Variants in ENPP6 observed in about 807,000 individuals in gnomAD.
ENPP6 encodes the protein glycerophosphocholine cholinephosphodiesterase ENPP6.
In ENPP6, 32 loss-of-function variants were observed where a neutral mutation model predicts 42.0. The observed-to-expected ratio is 0.76, with a 90% CI of 0.58 to 1.02. ENPP6 has a LOEUF of 1.02. Ranked by LOEUF, ENPP6 falls within the 50% of genes least tolerant of loss-of-function variation. The pLI, the probability that ENPP6 is intolerant of heterozygous loss-of-function variation, is 0.00. For synonymous variants in ENPP6, 213 were observed against 216.0 expected (o/e 0.99, Z 0.12); for missense variants, 552 against 566.8 (o/e 0.97, Z 0.27).
chr4:184,124,355 A>C, intron 2 of ENPP6, 83 bp from the exon 3 acceptor site: 1 of 935,780 alleles, frequency 1.1e-6, no homozygotes, highest in Non-Finnish European at 1.7e-6. Context: ...AGCAAACACC[A>C]TTAGTCAAAA....
intron 2 of ENPP6, among the ~76,000 whole-genome samples, chr4:184,144,739 C>T (rs1274524988): frequency 6.6e-5 from 10 of 152,194 alleles, no homozygotes; most frequent in South Asian, 2.1e-4. Context: ...AAACAAGCTC[C>T]GAGCAGGCAG....
chr4:184,216,964 C>T (rs962371827), intron 1 of ENPP6: 1 of 152,050 alleles, frequency 6.6e-6, no homozygotes, highest in Non-Finnish European at 1.5e-5. Flanking sequence ...AAATGGGGAA[C>T]CTGAACGACA....
chr4:184,169,146 C>T (rs1330388792), intron 1 of ENPP6, among the ~76,000 whole-genome samples: 2 of 152,336 alleles, frequency 1.3e-5, no homozygotes, highest in Non-Finnish European at 2.9e-5. Context: ...ATTCCTCCTG[C>T]GCCCTGCATG....
intron 2 of ENPP6, among the ~76,000 whole-genome samples, chr4:184,124,847 T>G (rs1380897511): frequency 6.6e-6 from 1 of 151,924 alleles, no homozygotes; most frequent in Non-Finnish European, 1.5e-5. Flanking sequence ...CAAAACAGAG[T>G]GAAAGAATCA....
At chr4:184,092,236 G>A (rs983029022) in intron 7 of ENPP6, among the ~76,000 whole-genome samples, 2 of 152,126 alleles carry the variant, frequency 1.3e-5, no homozygotes, top group African/African-American at 4.8e-5. Flanking sequence ...CAGTTTTCTC[G>A]GTGCTCGCTA....
At chr4:184,142,749 A>G (rs1471929367) in intron 2 of ENPP6, among the ~76,000 whole-genome samples, 1 of 152,246 alleles carries the variant, frequency 6.6e-6, no homozygotes, top group Non-Finnish European at 1.5e-5. Context: ...TGCCATACCC[A>G]GGCTGAGTCT....
chr4:184,200,226 A>G (rs1400394589), intron 1 of ENPP6, among the ~76,000 whole-genome samples: 2 of 152,116 alleles, frequency 1.3e-5, no homozygotes, highest in East Asian at 3.9e-4. Context: ...CCTTCTCCCA[A>G]TTTTGGCATC....
At chr4:184,168,943 T>G (rs992332179) in intron 1 of ENPP6, among the ~76,000 whole-genome samples, 15 of 152,112 alleles carry the variant, frequency 9.9e-5, no homozygotes, top group African/African-American at 3.4e-4. Context: ...TAACCCTTGT[T>G]GTGTTTCATT....
intron 2 of ENPP6, among the ~76,000 whole-genome samples, chr4:184,147,621 C>A (rs1415677472): frequency 2.0e-5 from 3 of 151,944 alleles, no homozygotes; most frequent in Non-Finnish European, 4.4e-5. Flanking sequence ...CACCCCCGAC[C>A]CCATGCCCAT....
intron 2 of ENPP6, among the ~76,000 whole-genome samples, chr4:184,150,878 G>C (rs964933445): frequency 1.3e-5 from 2 of 152,192 alleles, no homozygotes; most frequent in African/African-American, 4.8e-5. Context: ...TGATCTTAAG[G>C]CATTTTTGTC....
chr4:184,140,799 C>T (rs1199658217), intron 2 of ENPP6, among the ~76,000 whole-genome samples: 3 of 122,952 alleles, frequency 2.4e-5, no homozygotes, highest in East Asian at 2.2e-4. Flanking sequence ...AGAAGAAAAC[C>T]TAGGCATTAC....
chr4:184,128,741 T>C (rs1736545848), intron 2 of ENPP6, among the ~76,000 whole-genome samples: 1 of 152,204 alleles, frequency 6.6e-6, no homozygotes, highest in Non-Finnish European at 1.5e-5. Flanking sequence ...TAGGCTGGAT[T>C]CAATAGATAT....
intron 2 of ENPP6, among the ~76,000 whole-genome samples, chr4:184,131,655 C>T (rs143367353): frequency 1.1e-4 from 17 of 152,036 alleles, no homozygotes; most frequent in African/African-American, 3.1e-4. Context: ...TGAGCCATCA[C>T]GCCCTGCCTC....
intron 7 of ENPP6, among the ~76,000 whole-genome samples, chr4:184,092,626 G>C (rs948788705): frequency 2.0e-5 from 3 of 152,180 alleles, no homozygotes; most frequent in Non-Finnish European, 4.4e-5. Context: ...GTGAATGTAA[G>C]ATTTTAGTAA....
At chr4:184,193,133 C>T (rs1038415428) in intron 1 of ENPP6, among the ~76,000 whole-genome samples, 5 of 152,184 alleles carry the variant, frequency 3.3e-5, no homozygotes, top group South Asian at 2.1e-4. Context: ...TTCACTCTTA[C>T]GTATCTATTC....
chr4:184,198,748 GTCTCATTAGATCTGA>G (rs1402735552), intron 1 of ENPP6, among the ~76,000 whole-genome samples: 2 of 152,338 alleles, frequency 1.3e-5, no homozygotes, highest in East Asian at 3.9e-4. Flanking sequence ...AGTTGAGCAA[GTCTCATTAGATCTGA>G]TACAAATTTT....
At chr4:184,126,466 T>C (rs2111353582) in intron 2 of ENPP6, among the ~76,000 whole-genome samples, 1 of 152,292 alleles carries the variant, frequency 6.6e-6, no homozygotes, top group East Asian at 1.9e-4. Context: ...TAAACAAACA[T>C]CATGGCAGCA....
At chr4:184,134,029 T>A (rs1736687545) in intron 2 of ENPP6, among the ~76,000 whole-genome samples, 1 of 152,192 alleles carries the variant, frequency 6.6e-6, no homozygotes. Flanking sequence ...TTGTTTCTAA[T>A]TTTTCTATCT....
chr4:184,183,500 T>TAC (rs35771707), intron 1 of ENPP6, among the ~76,000 whole-genome samples: 7,145 of 148,456 alleles, frequency 0.048, 485 homozygotes, highest in African/African-American at 0.17. Flanking sequence ...CATGCATGTA[T>TAC]ACACACACAC....
Sources: gnomAD v4.1 joint callset for allele counts (sites outside exome capture counted in the v4.1 genomes callset) on GRCh38, gnomAD v4.1.1 for gene constraint, MANE v1.5 for transcripts, NCBI Gene and HGNC (gene_info 2026-07-23, HGNC 2026-07-21) for gene names.